TTC39B: variants seen among roughly 807,000 people sequenced by gnomAD.
TTC39B encodes tetratricopeptide repeat protein 39B.
Under a neutral mutation model 96.6 loss-of-function variants are expected in TTC39B, and 92 were observed. The observed-to-expected ratio is 0.95, with a 90% CI of 0.80 to 1.13. The LOEUF (loss-of-function observed/expected upper bound fraction) is 1.13. Among genes scored for constraint, TTC39B ranks in the 50% most tolerant of loss-of-function variants. The pLI is 0.00. For synonymous variants in TTC39B, 367 were observed against 299.4 expected (o/e 1.23, Z -2.33); for missense variants, 955 against 809.3 (o/e 1.18, Z -2.18).
chr9:15,187,802 G>C (rs1299016868), intron 14 of TTC39B, among the ~76,000 whole-genome samples, 169 bp downstream of exon 14: 1 of 152,192 alleles, frequency 6.6e-6, no homozygotes, highest in East Asian at 1.9e-4. Flanking sequence ...GCAATGCTGA[G>C]GACAGTACCT....
chr9:15,203,751 T>C (rs1819679341), intron 7 of TTC39B, 72 bp downstream of exon 7: 1 of 1,222,032 alleles, frequency 8.2e-7, no homozygotes, highest in African/African-American at 1.5e-5. Context: ...TGACATAGAA[T>C]GCACCACATT....
At chr9:15,238,705 G>A (rs1436765802) in intron 2 of TTC39B, among the ~76,000 whole-genome samples, 1 of 152,154 alleles carries the variant, frequency 6.6e-6, no homozygotes, top group Non-Finnish European at 1.5e-5. Context: ...GACCATATTG[G>A]CTGGGTGTGG....
chr9:15,235,299 A>C (rs1821725951), intron 2 of TTC39B, among the ~76,000 whole-genome samples: 1 of 152,194 alleles, frequency 6.6e-6, no homozygotes, highest in African/African-American at 2.4e-5. Flanking sequence ...AAAGCATTTC[A>C]GACATACAGG....
chr9:15,225,017 G>C lies in TTC39B; in HGVS notation c.371+900C>G, dbSNP rs142351256. Among the ~76,000 whole-genome samples the C allele has an allele frequency of 5.5e-3, 843 of 152,204 alleles. 6 individuals are homozygous for C. The highest frequency in any genetic ancestry group is 8.6e-3 in the Non-Finnish European group (584 of 68,018). Reference sequence around the variant, plus strand: ...TTCTAAAAGTTTAATAAACCTCTAAGGATGGATGAAAAGTACTTTCTCATG... The same window carrying C: ...TTCTAAAAGTTTAATAAACCTCTAACGATGGATGAAAAGTACTTTCTCATG... On this transcript the variant is annotated intron_variant, in intron 3 of 19. Transcript: ENST00000512701.
At chr9:15,251,420 G>A (rs1822531402) in intron 2 of TTC39B, among the ~76,000 whole-genome samples, 1 of 151,596 alleles carries the variant, frequency 6.6e-6, no homozygotes, top group Non-Finnish European at 1.5e-5. Context: ...AAATTAGCCA[G>A]GCGTGGTGGC....
intron 8 of TTC39B, among the ~76,000 whole-genome samples, chr9:15,197,361 T>A (rs1164055204): frequency 1.3e-5 from 2 of 152,314 alleles, no homozygotes; most frequent in East Asian, 1.9e-4. Flanking sequence ...TACAACAGCA[T>A]GTCAGGTACC....
chr9:15,173,105 A>AG (rs1190519958), intron 19 of TTC39B, among the ~76,000 whole-genome samples: 3 of 152,160 alleles, frequency 2.0e-5, no homozygotes, highest in African/African-American at 7.2e-5. Context: ...GCAGTGAGTT[A>AG]CTAGTCTTTT....
chr9:15,167,028 A>ATATATTTTTTT (rs1554758710), exon 20 of TTC39B: 4 of 11,036 alleles, frequency 3.6e-4, no homozygotes, highest in Non-Finnish European at 4.7e-4. Context: ...ATATATATAT[A>ATATATTTTTTT]TTTTTTTTTT....
intron 2 of TTC39B, among the ~76,000 whole-genome samples, chr9:15,239,778 T>A (rs1273436285): frequency 1.3e-5 from 2 of 152,012 alleles, no homozygotes; most frequent in Non-Finnish European, 2.9e-5. Context: ...AGGATGGAGG[T>A]GAAGGTTGAA....
At chr9:15,289,281 C>A (rs1197558596) in intron 1 of TTC39B, among the ~76,000 whole-genome samples, 3 of 152,312 alleles carry the variant, frequency 2.0e-5, no homozygotes, top group East Asian at 3.9e-4. Context: ...TTCAATATGG[C>A]TAGTTGCAGT....
At chr9:15,210,350 C>T (rs529987349) in intron 5 of TTC39B, among the ~76,000 whole-genome samples, 186 bp from the exon 6 acceptor site, 88 of 152,328 alleles carry the variant, frequency 5.8e-4, no homozygotes, top group African/African-American at 2.1e-3. Context: ...ACTGGCTAGC[C>T]ATTTGTGGGA....
At chr9:15,237,404 A>G (rs778345683) in intron 2 of TTC39B, among the ~76,000 whole-genome samples, 1 of 152,164 alleles carries the variant, frequency 6.6e-6, no homozygotes. Flanking sequence ...CCAAGAAAAT[A>G]AAAGAGAAGA....
intron 1 of TTC39B, among the ~76,000 whole-genome samples, chr9:15,299,876 C>T (rs1824522316): frequency 6.6e-6 from 1 of 152,076 alleles, no homozygotes; most frequent in African/African-American, 2.4e-5. Context: ...TCTGCAGAAG[C>T]ATATGTGTTA....
At chr9:15,202,048 A>C (rs889309489) in intron 7 of TTC39B, among the ~76,000 whole-genome samples, 1 of 152,206 alleles carries the variant, frequency 6.6e-6, no homozygotes, top group African/African-American at 2.4e-5. Context: ...CAATGATAGG[A>C]AGAGACGGAG....
At chr9:15,227,450 C>T (rs1821187327) in intron 2 of TTC39B, among the ~76,000 whole-genome samples, 1 of 152,060 alleles carries the variant, frequency 6.6e-6, no homozygotes, top group Non-Finnish European at 1.5e-5. Flanking sequence ...TATCAAGTTC[C>T]CTAAATTTTT....
At chr9:15,202,208 C>T (rs1233457628) in intron 7 of TTC39B, among the ~76,000 whole-genome samples, 1 of 152,142 alleles carries the variant, frequency 6.6e-6, no homozygotes, top group Non-Finnish European at 1.5e-5. Flanking sequence ...ATTGCCAAAT[C>T]CCTGTTTGGA....
In TTC39B at chr9:15,188,147, C is replaced by A; in HGVS notation, c.1234-15G>T. The A allele has an allele frequency of 1.3e-6, 2 of 1,574,810 alleles. No homozygotes were observed. Among genetic ancestry groups the A allele is most frequent in the South Asian group, 2.4e-5 (2 of 83,324 alleles). ...ACTTCTTGTGCCTGTAAATCAAGTACACAAAGTTGATCGTCCAGATATTAG... is the reference window on the plus strand; with the variant it reads ...ACTTCTTGTGCCTGTAAATCAAGTAAACAAAGTTGATCGTCCAGATATTAG... On this transcript the variant is annotated splice_polypyrimidine_tract_variant and intron_variant, in intron 13 of 19. Transcript: ENST00000512701.
At chr9:15,163,890 T>A (rs1385324761) in exon 20 of TTC39B, 1 of 152,242 alleles carries the variant, frequency 6.6e-6, no homozygotes, top group Non-Finnish European at 1.5e-5. Context: ...GGAATTGTTG[T>A]CATCATGTTG....
chr9:15,304,308 C>T (rs1824687813), intron 1 of TTC39B, among the ~76,000 whole-genome samples: 1 of 152,158 alleles, frequency 6.6e-6, no homozygotes, highest in African/African-American at 2.4e-5. Flanking sequence ...TAGTGTAATA[C>T]ACAAGAAAAC....
Sources: allele counts gnomAD v4.1 joint callset (sites outside exome capture counted in the v4.1 genomes callset), GRCh38; gene constraint gnomAD v4.1.1; transcripts MANE v1.5; gene names NCBI Gene and HGNC (gene_info 2026-07-23, HGNC 2026-07-21).